The following BCAS3 variants were observed in gnomAD, a reference collection of about 807,000 sequenced individuals.
BCAS3 encodes the protein BCAS4/BCAS3 fusion.
A neutral mutation model predicts 116.1 loss-of-function variants in BCAS3; 53 were observed. That is an observed-to-expected ratio of 0.46 (90% confidence interval 0.37 to 0.57). The LOEUF is 0.57. Among genes scored for constraint, BCAS3 ranks in the 20% least tolerant of loss-of-function variants. The pLI, the probability that BCAS3 is intolerant of heterozygous loss-of-function variation, is 0.00. For missense variants in BCAS3, 917 were observed against 1,165.4 expected, an observed-to-expected ratio of 0.79 and a Z score of 3.10; for synonymous variants, 391 against 408.2, an observed-to-expected ratio of 0.96 and a Z score of 0.51.
chr17:61,303,861 T>C (rs114089679), intron 22 of BCAS3, among the ~76,000 whole-genome samples: 1 of 152,162 alleles, frequency 6.6e-6, no homozygotes, highest in Non-Finnish European at 1.5e-5. Flanking sequence ...CCAAGTCTTG[T>C]GCCTGGCACT....
At chr17:61,359,016 G>A (rs1231558382) in intron 22 of BCAS3, among the ~76,000 whole-genome samples, 1 of 152,082 alleles carries the variant, frequency 6.6e-6, no homozygotes, top group Non-Finnish European at 1.5e-5. Context: ...CCCCCTGCAG[G>A]CATCCTCAGA....
At chr17:61,044,420 C>T (rs1230079346) in intron 19 of BCAS3, among the ~76,000 whole-genome samples, 1 of 138,424 alleles carries the variant, frequency 7.2e-6, no homozygotes, top group Non-Finnish European at 1.5e-5. Context: ...GCACTCCAGC[C>T]TGGGTGACAG....
chr17:60,945,980 C>T (rs1387223224), intron 13 of BCAS3, among the ~76,000 whole-genome samples: 1 of 151,906 alleles, frequency 6.6e-6, no homozygotes, highest in African/African-American at 2.4e-5. Context: ...ATTAGCCGGG[C>T]ATGGTGGCGG....
At chr17:60,796,636 A>G (rs569302694) in intron 6 of BCAS3, among the ~76,000 whole-genome samples, 1 of 151,872 alleles carries the variant, frequency 6.6e-6, no homozygotes, top group East Asian at 1.9e-4. Context: ...CTTGCTAATG[A>G]TCTATCAATT....
At chr17:60,767,179 G>C (rs1000018644) in intron 6 of BCAS3, among the ~76,000 whole-genome samples, 4 of 152,020 alleles carry the variant, frequency 2.6e-5, no homozygotes, top group Non-Finnish European at 4.4e-5. Flanking sequence ...ACCCTGCTTC[G>C]GCTCGCCCTC....
At chr17:60,750,209 G>C (rs1438457887) in intron 6 of BCAS3, among the ~76,000 whole-genome samples, 1 of 151,762 alleles carries the variant, frequency 6.6e-6, no homozygotes, top group African/African-American at 2.4e-5. Flanking sequence ...TACTGTATTA[G>C]AGTGAAGAAG....
rs565062488 is a variant in BCAS3 at position 61,014,924 on chromosome 17, A to T, written c.1487-827A>T. ...AGAATGAAATAATTAGTAGTAAGTT[A>T]ACCAAAGAAGTACAAAACTTGTACC... On this transcript the variant is annotated intron_variant, in intron 15 of 23. Coordinates refer to ENST00000407086, the MANE Select transcript of BCAS3 (RefSeq NM_017679.5). Among the ~76,000 whole-genome samples, 14 of 152,300 alleles carry T rather than the reference A, an allele frequency of 9.2e-5. No individual in the cohort carries two copies. The East Asian group carries it at 2.7e-3, about 29-fold the overall frequency.
At chr17:60,794,712 G>A (rs548814336) in intron 6 of BCAS3, among the ~76,000 whole-genome samples, 1 of 152,150 alleles carries the variant, frequency 6.6e-6, no homozygotes, top group Non-Finnish European at 1.5e-5. Flanking sequence ...TCAGTTGACT[G>A]TAAGTATTTG....
At chr17:61,267,791 A>G (rs2049877148) in intron 22 of BCAS3, among the ~76,000 whole-genome samples, 1 of 151,932 alleles carries the variant, frequency 6.6e-6, no homozygotes, top group East Asian at 1.9e-4. Flanking sequence ...TTTCCAGAGC[A>G]AAGCCAGGAA....
chr17:61,336,920 C>G (rs1399805887), intron 22 of BCAS3, among the ~76,000 whole-genome samples: 1 of 152,118 alleles, frequency 6.6e-6, no homozygotes, highest in Admixed American at 6.5e-5. Flanking sequence ...TGAGACCAGC[C>G]TGGCCAACAT....
chr17:60,975,450 A>G (rs2062276004), intron 14 of BCAS3, among the ~76,000 whole-genome samples: 1 of 152,246 alleles, frequency 6.6e-6, no homozygotes. Context: ...GGCTATTAAA[A>G]GAAACCACAA....
chr17:60,930,116 A>G (rs2059569006), intron 13 of BCAS3, among the ~76,000 whole-genome samples: 1 of 152,124 alleles, frequency 6.6e-6, no homozygotes. Context: ...GCTTTTTCCA[A>G]AATATAACTA....
At chr17:61,334,679 A>AAC in intron 22 of BCAS3, among the ~76,000 whole-genome samples, 1 of 151,804 alleles carries the variant, frequency 6.6e-6, no homozygotes, top group South Asian at 2.1e-4. Context: ...AAAAAAAAAA[A>AAC]AAAAAAAAAA....
chr17:61,277,997 A>G (rs1427758152), intron 22 of BCAS3, among the ~76,000 whole-genome samples: 1 of 152,176 alleles, frequency 6.6e-6, no homozygotes, highest in Non-Finnish European at 1.5e-5. Flanking sequence ...TGTATACCCA[A>G]AAGAAATGAA....
chr17:60,894,777 G>C (rs750912383), intron 10 of BCAS3, among the ~76,000 whole-genome samples: 4 of 152,100 alleles, frequency 2.6e-5, no homozygotes, highest in Non-Finnish European at 4.4e-5. Context: ...TATCATGAAG[G>C]GATGTTGAAT....
rs139458228 is a variant in BCAS3 at position 61,054,685 on chromosome 17, G to A, written c.2029+13793G>A. On this transcript the variant is annotated intron_variant, in intron 19 of 23. Coordinates refer to ENST00000407086, the MANE Select transcript of BCAS3 (RefSeq NM_017679.5). ...CACCACACCCAGCCCTGTCATAATT[G>A]TTCTTAATATAGAAGTGAAACAAAA... 9.9e-5 allele frequency among the ~76,000 whole-genome samples: 15 copies of A among 152,212 alleles called. 1 individual carries two copies. In the East Asian group the frequency reaches 2.9e-3, roughly 29 times the overall value.
chr17:61,341,072 G>A (rs1416461441), intron 22 of BCAS3, among the ~76,000 whole-genome samples: 2 of 152,206 alleles, frequency 1.3e-5, no homozygotes, highest in Non-Finnish European at 1.5e-5. Context: ...GATCGGGTTA[G>A]TGTTGTGACA....
At chr17:60,789,643 T>C (rs1568255721) in intron 6 of BCAS3, among the ~76,000 whole-genome samples, 2 of 152,184 alleles carry the variant, frequency 1.3e-5, no homozygotes, top group African/African-American at 4.8e-5. Flanking sequence ...TGTTAAATGC[T>C]GTAGAACAGG....
chr17:60,729,831 C>A (rs2040280680), intron 5 of BCAS3, among the ~76,000 whole-genome samples: 1 of 152,174 alleles, frequency 6.6e-6, no homozygotes, highest in Non-Finnish European at 1.5e-5. Context: ...TAAAGAGAAT[C>A]CAGTTTGTAT....
Sources: allele counts gnomAD v4.1 joint callset (sites outside exome capture counted in the v4.1 genomes callset), GRCh38; gene constraint gnomAD v4.1.1; transcripts MANE v1.5; gene names NCBI Gene and HGNC (gene_info 2026-07-23, HGNC 2026-07-21).